ZFPM2: variants seen among roughly 807,000 people sequenced by gnomAD.
The protein encoded by ZFPM2 is zinc finger protein ZFPM2.
ZFPM2 carries 20 observed loss-of-function variants against 98.6 expected under a neutral mutation model. The observed-to-expected ratio is 0.20, with a 90% CI of 0.14 to 0.29. ZFPM2 has a LOEUF of 0.29. ZFPM2 is among the 10% of genes least tolerant of loss of function. The pLI is 1.00. For synonymous variants in ZFPM2, 518 were observed against 502.7 expected, an observed-to-expected ratio of 1.03 and a Z score of -0.41; for missense variants, 1,310 against 1,388.6, an observed-to-expected ratio of 0.94 and a Z score of 0.90.
intron 3 of ZFPM2, among the ~76,000 whole-genome samples, chr8:105,554,932 G>C (rs1474486057): frequency 1.3e-5 from 2 of 152,056 alleles, no homozygotes; most frequent in South Asian, 4.1e-4. Flanking sequence ...ACAATGTCTT[G>C]ATAGCACTTT....
intron 6 of ZFPM2, among the ~76,000 whole-genome samples, chr8:105,791,831 G>A (rs1318121637): frequency 3.3e-5 from 5 of 152,128 alleles, no homozygotes; most frequent in Admixed American, 6.5e-5. Context: ...GAGTGTATGT[G>A]TCGAGGAATT....
intron 5 of ZFPM2, among the ~76,000 whole-genome samples, chr8:105,690,630 G>A (rs535266301): frequency 3.3e-5 from 5 of 152,172 alleles, no homozygotes; most frequent in African/African-American, 1.2e-4. Flanking sequence ...GACACCTGTG[G>A]GAGTAGCCCT....
At chr8:105,640,430 G>A (rs542170746) in intron 5 of ZFPM2, among the ~76,000 whole-genome samples, 3 of 152,040 alleles carry the variant, frequency 2.0e-5, no homozygotes, top group South Asian at 4.1e-4. Flanking sequence ...TCATGTAGAC[G>A]GCTGCACAGC....
At chr8:105,668,169 A>C (rs7817743) in intron 5 of ZFPM2, among the ~76,000 whole-genome samples, 12,760 of 152,262 alleles carry the variant, frequency 0.084, 1,722 homozygotes, top group African/African-American at 0.28. Context: ...CTTAGGAAGC[A>C]GTTGCCAAAT....
intron 3 of ZFPM2, among the ~76,000 whole-genome samples, chr8:105,485,187 G>T (rs1184266345): frequency 6.6e-6 from 1 of 152,180 alleles, no homozygotes; most frequent in African/African-American, 2.4e-5. Context: ...ACCACATGTA[G>T]CCTCAAATGC....
chr8:105,716,526 TATTAAA>T (rs1462566451), intron 5 of ZFPM2, among the ~76,000 whole-genome samples: 1 of 152,048 alleles, frequency 6.6e-6, no homozygotes, highest in Non-Finnish European at 1.5e-5. Context: ...CAATCAGGTA[TATTAAA>T]ATAGCAGCAA....
rs768826493 is a variant in ZFPM2 at position 105,803,510 on chromosome 8, C to T, written c.3428C>T (p.Ser1143Leu). Reference sequence around the variant, plus strand: ...ATAACTCACAAGAAGTTTTATTGCTCATCACATGCAGCAGAACATGTCAAA... The same window carrying T: ...ATAACTCACAAGAAGTTTTATTGCTTATCACATGCAGCAGAACATGTCAAA... The part of the protein sequence containing the change: ...NFITHKKFYC[S>L]SHAAEHVK The change falls in exon 8 of 8, where the codon TCA becomes TTA. Residue 1143 changes from serine to leucine, a missense_variant. By Grantham distance (145) the Ser-to-Leu change is moderately radical. Transcript: ENST00000407775. 8 of 1,610,516 alleles carry T rather than the reference C, an allele frequency of 5.0e-6. No individual in the cohort carries two copies. The highest frequency in any genetic ancestry group is 1.7e-4 in the Middle Eastern group (1 of 6,046).
intron 1 of ZFPM2, among the ~76,000 whole-genome samples, chr8:105,329,690 C>G (rs1812176500): frequency 6.6e-6 from 1 of 151,634 alleles, no homozygotes. Flanking sequence ...ATCAGTCCAG[C>G]TGCTTGGGAA....
chr8:105,384,084 C>T (rs943782248), intron 1 of ZFPM2, among the ~76,000 whole-genome samples: 1 of 152,034 alleles, frequency 6.6e-6, no homozygotes, highest in African/African-American at 2.4e-5. Context: ...GAATATTAGA[C>T]CAGTGTTAGC....
At chr8:105,467,480 G>A (rs930249978) in intron 3 of ZFPM2, among the ~76,000 whole-genome samples, 7 of 151,984 alleles carry the variant, frequency 4.6e-5, no homozygotes, top group South Asian at 4.1e-4. Context: ...TAAGCCCAGC[G>A]AGTTAGGAAT....
chr8:105,404,335 T>G (rs182204588), intron 1 of ZFPM2, among the ~76,000 whole-genome samples: 1 of 152,218 alleles, frequency 6.6e-6, no homozygotes, highest in Non-Finnish European at 1.5e-5. Flanking sequence ...TTTTAGAATT[T>G]TTTTCATTGG....
chr8:105,381,894 T>C (rs1418591719), intron 1 of ZFPM2, among the ~76,000 whole-genome samples: 3 of 152,110 alleles, frequency 2.0e-5, no homozygotes, highest in Non-Finnish European at 2.9e-5. Flanking sequence ...CAACATGATA[T>C]AGGCTATAAG....
intron 3 of ZFPM2, among the ~76,000 whole-genome samples, chr8:105,489,896 C>G (rs1011398416): frequency 6.6e-6 from 1 of 152,042 alleles, no homozygotes; most frequent in Non-Finnish European, 1.5e-5. Context: ...ACAAAGGGGA[C>G]TCACAACTAA....
At chr8:105,712,946 T>G (rs1345429572) in intron 5 of ZFPM2, among the ~76,000 whole-genome samples, 2 of 152,072 alleles carry the variant, frequency 1.3e-5, no homozygotes, top group African/African-American at 4.8e-5. Flanking sequence ...AGATAGGCTC[T>G]TCAGTTGATT....
At chr8:105,376,941 T>C (rs1470586240) in intron 1 of ZFPM2, among the ~76,000 whole-genome samples, 1 of 152,214 alleles carries the variant, frequency 6.6e-6, no homozygotes, top group African/African-American at 2.4e-5. Context: ...TAGAATATAA[T>C]CTGTATTCCT....
At position 105,802,366 on chromosome 8, in the gene ZFPM2, G is replaced by A. The variant is rs1323522110; in HGVS notation, c.2284G>A (p.Asp762Asn). Residue 762 changes from aspartate to asparagine, a missense_variant, in exon 8 of 8, where the codon GAC (aspartate) becomes AAC (asparagine). Asp to Asn is a conservative substitution (Grantham distance 23). Transcript: ENST00000407775. ...RPPLVQQRFL[D>N]VANLNNPCTS... ...TCCACTGGTTCAGCAGAGATTTCTT[G>A]ACGTAGCCAACCTCAATAATCCTTG... The A allele has an allele frequency of 2.5e-6, 4 of 1,613,628 alleles. No homozygotes were observed. The highest frequency in any genetic ancestry group is 3.3e-5 in the Admixed American group (2 of 59,958).
intron 3 of ZFPM2, among the ~76,000 whole-genome samples, chr8:105,527,630 G>T (rs917870356): frequency 6.6e-6 from 1 of 152,276 alleles, no homozygotes; most frequent in Non-Finnish European, 1.5e-5. Flanking sequence ...GGTGTTACAG[G>T]CTTGTAAAAC....
chr8:105,634,372 G>T lies in ZFPM2; in HGVS notation c.532+15G>T. The T allele has an allele frequency of 1.9e-6, 3 of 1,590,878 alleles. No individual in the cohort carries two copies. The highest frequency in any genetic ancestry group is 2.6e-6 in the Non-Finnish European group (3 of 1,163,678). Reference sequence around the variant, plus strand: ...GTACAGCAAAGGTAAATGCAAGATTGTTTCCCTCTCTCTTTGGAAGTATTA... The same window carrying T: ...GTACAGCAAAGGTAAATGCAAGATTTTTTCCCTCTCTCTTTGGAAGTATTA... On this transcript the variant is annotated intron_variant, in intron 5 of 7. Transcript: ENST00000407775.
At chr8:105,775,378 C>G (rs1347360973) in intron 5 of ZFPM2, among the ~76,000 whole-genome samples, 1 of 151,840 alleles carries the variant, frequency 6.6e-6, no homozygotes, top group Non-Finnish European at 1.5e-5. Context: ...GAAAATTAAG[C>G]ATACCCAACA....
Sources: gnomAD v4.1 joint callset for allele counts (sites outside exome capture counted in the v4.1 genomes callset) on GRCh38, gnomAD v4.1.1 for gene constraint, MANE v1.5 for transcripts, NCBI Gene and HGNC (gene_info 2026-07-23, HGNC 2026-07-21) for gene names.